The following RASSF9 variants were observed in gnomAD, a reference collection of about 807,000 sequenced individuals.
RASSF9 encodes ras association domain-containing protein 9.
A neutral mutation model predicts 21.4 loss-of-function variants in RASSF9; 18 were observed. The observed-to-expected ratio is 0.84, with a 90% CI of 0.58 to 1.25. The LOEUF is 1.25. RASSF9 is among the 50% of genes most tolerant of loss of function. The pLI is 0.00. For missense variants in RASSF9, 480 were observed against 503.2 expected, an observed-to-expected ratio of 0.95 and a Z score of 0.44; for synonymous variants, 183 against 179.1, an observed-to-expected ratio of 1.02 and a Z score of -0.18.
chr12:85,833,352 G>A (rs933291568), intron 1 of RASSF9, among the ~76,000 whole-genome samples: 1 of 151,852 alleles, frequency 6.6e-6, no homozygotes, highest in African/African-American at 2.4e-5. Context: ...CCACATGGCA[G>A]GCACTGTCCT....
rs933993202 is a variant in RASSF9, at chr12:85,801,200, G to A, written c.*3502C>T. ...TAAATCAGCTTAAAGAGACATTTGG[G>A]GTTTATTAAGTCAGTAATACTATTA... On this transcript the variant is annotated 3_prime_UTR_variant, in exon 2 of 2. Transcript: ENST00000361228. 6.6e-6 allele frequency: 1 copy of A among 151,638 alleles called. No individual in the cohort carries two copies. The highest frequency in any genetic ancestry group is 1.5e-5 in the Non-Finnish European group (1 of 67,948). 9.4% of individuals were successfully genotyped at this position (151,638 alleles called of 1,614,324 possible).
chr12:85,830,542 T>C (rs1239965318), intron 1 of RASSF9, among the ~76,000 whole-genome samples: 2 of 152,120 alleles, frequency 1.3e-5, no homozygotes, highest in Non-Finnish European at 2.9e-5. Flanking sequence ...GTCCCTGCTC[T>C]GATTGGACCT....
intron 1 of RASSF9, among the ~76,000 whole-genome samples, chr12:85,819,790 A>T (rs1880167611): frequency 6.6e-6 from 1 of 152,194 alleles, no homozygotes; most frequent in Non-Finnish European, 1.5e-5. Context: ...CAAAAGAAAG[A>T]AGACAACAAT....
At chr12:85,809,591 T>C (rs918888896) in intron 1 of RASSF9, among the ~76,000 whole-genome samples, 1 of 151,858 alleles carries the variant, frequency 6.6e-6, no homozygotes, top group Non-Finnish European at 1.5e-5. Context: ...ACATATAAAT[T>C]CTTCATCCCT....
At chr12:85,831,645 T>A (rs970390746) in intron 1 of RASSF9, among the ~76,000 whole-genome samples, 6 of 151,946 alleles carry the variant, frequency 3.9e-5, no homozygotes, top group African/African-American at 1.4e-4. Flanking sequence ...TACTCAAATA[T>A]CTGGCACTTC....
chr12:85,805,108 T>G lies in RASSF9; in HGVS notation c.902A>C (p.Asp301Ala), dbSNP rs1879790203. The stretch of plus-strand genomic sequence containing the variant: ...TTCACTTGCAGCTTCCCCTTCCGCA[T>G]CTTCATTTATATCAATGCAAACACT... The part of the protein sequence containing the change: ...VKSVCIDINE[D>A]AEGEAASELE... The change falls in exon 2 of 2, where the codon GAT (aspartate) becomes GCT (alanine). Residue 301 changes from aspartate (D) to alanine (A), a missense_variant. By Grantham distance (126) the Asp-to-Ala change is moderately radical (BLOSUM62 -2). Coordinates refer to ENST00000361228, the MANE Select transcript of RASSF9 (RefSeq NM_005447.4). 1 of 1,613,874 alleles carries G rather than the reference T, an allele frequency of 6.2e-7. No homozygotes were observed. Among genetic ancestry groups the G allele is most frequent in the African/African-American group, 1.3e-5 (1 of 74,930 alleles).
rs1343250160 is a variant in RASSF9, at chr12:85,802,976, T to C, written c.*1726A>G. On this transcript the variant is annotated 3_prime_UTR_variant, in exon 2 of 2. Coordinates refer to ENST00000361228, the MANE Select transcript of RASSF9 (RefSeq NM_005447.4). Reference sequence around the variant, plus strand: ...ATTTCTATTTTTCTTACCAGCCAACTTGAAATAAGACCTGAAAATATCTAT... The same window carrying C: ...ATTTCTATTTTTCTTACCAGCCAACCTGAAATAAGACCTGAAAATATCTAT... 2 of 152,084 alleles carry C rather than the reference T, an allele frequency of 1.3e-5. No individual in the cohort carries two copies. The highest frequency in any genetic ancestry group is 4.8e-5 in the African/African-American group (2 of 41,412). The allele number at this position is 152,084 out of a possible 1,614,324, so 9.4% of individuals were successfully genotyped here. A position where few individuals can be genotyped will look rare whatever the true frequency, so the allele number is the denominator to read the frequency against.
At chr12:85,808,257 T>G (rs1231742347) in intron 1 of RASSF9, among the ~76,000 whole-genome samples, 1 of 152,106 alleles carries the variant, frequency 6.6e-6, no homozygotes, top group Non-Finnish European at 1.5e-5. Flanking sequence ...CAAGTAACAC[T>G]AAAGATTAGG....
intron 1 of RASSF9, among the ~76,000 whole-genome samples, chr12:85,816,365 A>G (rs1880064169): frequency 6.6e-6 from 1 of 151,974 alleles, no homozygotes. Context: ...GTAGTTGGCT[A>G]AGCTAAGATA....
intron 1 of RASSF9, among the ~76,000 whole-genome samples, chr12:85,809,359 T>C (rs754745785): frequency 6.6e-6 from 1 of 152,128 alleles, no homozygotes; most frequent in African/African-American, 2.4e-5. Context: ...AGCACTCAAA[T>C]GATCGAGGAA....
At chr12:85,806,015 A>C in intron 1 of RASSF9, 53 bp from the exon 2 acceptor site, 4 of 1,519,024 alleles carry the variant, frequency 2.6e-6, no homozygotes, top group Non-Finnish European at 3.6e-6. Context: ...GTGTAAACTC[A>C]GAAAGATGGT....
chr12:85,826,169 C>G (rs1880328292), intron 1 of RASSF9, among the ~76,000 whole-genome samples: 1 of 152,170 alleles, frequency 6.6e-6, no homozygotes, highest in African/African-American at 2.4e-5. Context: ...TAATTTTCTT[C>G]ACTCTTCACC....
chr12:85,811,134 T>C (rs1879945357), intron 1 of RASSF9, among the ~76,000 whole-genome samples: 2 of 151,978 alleles, frequency 1.3e-5, no homozygotes, highest in Admixed American at 1.3e-4. Flanking sequence ...TTACCTACTA[T>C]AGTTAATCAA....
At chr12:85,813,317 A>G (rs1487136133) in intron 1 of RASSF9, among the ~76,000 whole-genome samples, 1 of 151,994 alleles carries the variant, frequency 6.6e-6, no homozygotes, top group East Asian at 1.9e-4. Flanking sequence ...ATTGATAATT[A>G]GCATTAATAA....
intron 1 of RASSF9, among the ~76,000 whole-genome samples, chr12:85,820,152 A>G (rs1880175523): frequency 6.6e-6 from 1 of 152,218 alleles, no homozygotes; most frequent in South Asian, 2.1e-4. Flanking sequence ...AAAAATTAAA[A>G]GGAAAATAAC....
intron 1 of RASSF9, among the ~76,000 whole-genome samples, chr12:85,818,114 T>C (rs1222853227): frequency 4.6e-5 from 7 of 152,184 alleles, no homozygotes; most frequent in Non-Finnish European, 1.0e-4. Flanking sequence ...ACTTAAAAAA[T>C]AGTAAGATAA....
chr12:85,825,501 G>T (rs1186683707), intron 1 of RASSF9, among the ~76,000 whole-genome samples: 1 of 152,024 alleles, frequency 6.6e-6, no homozygotes, highest in African/African-American at 2.4e-5. Flanking sequence ...AAGTTTTATT[G>T]AAACACAGCC....
intron 1 of RASSF9, among the ~76,000 whole-genome samples, chr12:85,806,378 G>C (rs61928919): frequency 0.26 from 38,901 of 148,484 alleles, 5,446 homozygotes; most frequent in African/African-American, 0.33. Flanking sequence ...TTGAGAATAA[G>C]AGTCAGAAGA....
chr12:85,821,355 T>A (rs906090008), intron 1 of RASSF9, among the ~76,000 whole-genome samples: 1 of 152,148 alleles, frequency 6.6e-6, no homozygotes, highest in African/African-American at 2.4e-5. Flanking sequence ...ACATTAGTTT[T>A]TGGATCATAG....
Sources: gnomAD v4.1 joint callset for allele counts (sites outside exome capture counted in the v4.1 genomes callset) on GRCh38, gnomAD v4.1.1 for gene constraint, MANE v1.5 for transcripts, NCBI Gene and HGNC (gene_info 2026-07-23, HGNC 2026-07-21) for gene names.